SEPTIN7: variants seen among roughly 807,000 people sequenced by gnomAD.
The protein encoded by SEPTIN7 is septin 7, also known as septin-7.
Under a neutral mutation model 63.3 loss-of-function variants are expected in SEPTIN7, and 10 were observed. The observed-to-expected ratio is 0.16, with a 90% confidence interval of 0.10 to 0.27. The LOEUF is 0.27. Among genes scored for constraint, SEPTIN7 ranks in the 10% least tolerant of loss-of-function variants. SEPTIN7 has a pLI of 1.00. For missense variants in SEPTIN7, 310 were observed against 521.0 expected, an observed-to-expected ratio of 0.59 and a Z score of 3.94; for synonymous variants, 131 against 165.3, an observed-to-expected ratio of 0.79 and a Z score of 1.59.
intron 3 of SEPTIN7, chr7:35,847,873 C>T (rs1481964197): frequency 6.6e-6 from 1 of 152,188 alleles, no homozygotes; most frequent in Non-Finnish European, 1.5e-5. Context: ...TATAGGTTAT[C>T]TAATTCAAAG....
At chr7:35,831,546 A>C (rs1466528680) in intron 2 of SEPTIN7, 50 bp downstream of exon 2, 1 of 407,176 alleles carries the variant, frequency 2.5e-6, no homozygotes, top group Non-Finnish European at 4.8e-6. Context: ...CAGTTAACTT[A>C]AATTTAATTT....
At chr7:35,862,837 T>G (rs1159782096) in intron 3 of SEPTIN7, among the ~76,000 whole-genome samples, 3 of 152,174 alleles carry the variant, frequency 2.0e-5, no homozygotes, top group African/African-American at 7.2e-5. Flanking sequence ...CCATTTATAT[T>G]TTCATATACT....
At chr7:35,908,651 G>A (rs1306302151), downstream of SEPTIN7, among the ~76,000 whole-genome samples, 1 of 152,140 alleles carries the variant, frequency 6.6e-6, no homozygotes, top group African/African-American at 2.4e-5. Context: ...GCAGAGGGGG[G>A]GTAGTCAGAC....
At chr7:35,884,490 C>A (rs1329533551) in intron 9 of SEPTIN7, among the ~76,000 whole-genome samples, 1 of 152,148 alleles carries the variant, frequency 6.6e-6, no homozygotes, top group Non-Finnish European at 1.5e-5. Context: ...AAGTCTATTT[C>A]TGTTTTCATA....
intron 3 of SEPTIN7, among the ~76,000 whole-genome samples, chr7:35,850,368 A>G (rs751120366): frequency 2.0e-5 from 3 of 152,222 alleles, no homozygotes; most frequent in South Asian, 2.1e-4. Flanking sequence ...TTCAAAACCC[A>G]GGAGAAAAAT....
intron 3 of SEPTIN7, among the ~76,000 whole-genome samples, chr7:35,856,784 C>T (rs1179562772): frequency 6.6e-6 from 1 of 152,174 alleles, no homozygotes; most frequent in Non-Finnish European, 1.5e-5. Flanking sequence ...CCTTATTTCT[C>T]ATCGAGGTTT....
chr7:35,811,486 A>G (rs1448228342), intron 1 of SEPTIN7, among the ~76,000 whole-genome samples: 1 of 152,220 alleles, frequency 6.6e-6, no homozygotes, highest in Non-Finnish European at 1.5e-5. Context: ...TTAGGGGTGT[A>G]TTAGTGGTCC....
At chr7:35,810,693 C>T (rs1378237998) in intron 1 of SEPTIN7, among the ~76,000 whole-genome samples, 1 of 151,900 alleles carries the variant, frequency 6.6e-6, no homozygotes, top group Non-Finnish European at 1.5e-5. Flanking sequence ...CAGGGTTATG[C>T]TAGTGTTTCT....
At chr7:35,861,757 G>A (rs1383061230) in intron 3 of SEPTIN7, among the ~76,000 whole-genome samples, 1 of 152,056 alleles carries the variant, frequency 6.6e-6, no homozygotes, top group Non-Finnish European at 1.5e-5. Flanking sequence ...CAGTTCTTCT[G>A]GCAGACCAGA....
chr7:35,817,165 C>G (rs1224645314), intron 1 of SEPTIN7, among the ~76,000 whole-genome samples: 1 of 151,986 alleles, frequency 6.6e-6, no homozygotes, highest in African/African-American at 2.4e-5. Context: ...CCTATGTTTT[C>G]TAAGAGTTTT....
intron 3 of SEPTIN7, among the ~76,000 whole-genome samples, chr7:35,840,077 GTTCCT>G (rs1479248424): frequency 6.6e-6 from 1 of 151,866 alleles, no homozygotes; most frequent in Non-Finnish European, 1.5e-5. Flanking sequence ...CTGGCAAATT[GTTCCT>G]TTCTTTTCTT....
chr7:35,898,669 T>C (rs1583650941), intron 12 of SEPTIN7: 1 of 224,486 alleles, frequency 4.5e-6, no homozygotes, highest in East Asian at 8.8e-5. Flanking sequence ...TTGTGAAAAA[T>C]AAAATTACAA....
intron 11 of SEPTIN7, among the ~76,000 whole-genome samples, chr7:35,891,503 C>T (rs945395610): frequency 4.6e-5 from 7 of 152,052 alleles, no homozygotes; most frequent in African/African-American, 1.7e-4. Context: ...AACATAATGT[C>T]AAGTATTTGT....
chr7:35,844,197 A>G lies in SEPTIN7; in HGVS notation c.169+11297A>G, dbSNP rs183366159. Among the ~76,000 whole-genome samples the G allele has an allele frequency of 2.0e-3, 299 of 152,342 alleles. 1 individual carries two copies. The highest frequency in any genetic ancestry group is 3.1e-3 in the Non-Finnish European group (208 of 68,022). On this transcript the variant is annotated intron_variant, in intron 3 of 13. Coordinates refer to ENST00000350320, the MANE Select transcript of SEPTIN7 (RefSeq NM_001788.6). ...AGGAATTTCCAGGGAAATGCACACT[A>G]CTAATTACATTTAGTTGAATAAAGG...
intron 3 of SEPTIN7, among the ~76,000 whole-genome samples, chr7:35,840,633 G>A (rs895092272): frequency 5.3e-5 from 8 of 151,758 alleles, no homozygotes; most frequent in Non-Finnish European, 1.2e-4. Flanking sequence ...TAAGAAAAAA[G>A]GAAATTTTTT....
chr7:35,804,602 A>G (rs1017259467), intron 1 of SEPTIN7, among the ~76,000 whole-genome samples: 26 of 152,200 alleles, frequency 1.7e-4, no homozygotes, highest in Admixed American at 1.4e-3. Context: ...TACTCAATAG[A>G]TACACCAGTC....
chr7:35,914,994 A>G, the SEPTIN7 span, among the ~76,000 whole-genome samples: 1 of 152,076 alleles, frequency 6.6e-6, no homozygotes, highest in African/African-American at 2.4e-5. Context: ...ATGCGTGTGT[A>G]CACATATAAT....
At position 35,906,345 on chromosome 7, in the gene SEPTIN7, T is replaced by C. The variant is rs1478802274; in HGVS notation, c.*2052T>C. 2 of 152,218 alleles carry C rather than the reference T, an allele frequency of 1.3e-5. No individual in the cohort carries two copies. The highest frequency in any genetic ancestry group is 2.1e-4 in the South Asian group (1 of 4,830). 9.4% of individuals were successfully genotyped at this position (152,218 alleles called of 1,614,324 possible). A position where few individuals can be genotyped will look rare whatever the true frequency, so the allele number is the denominator to read the frequency against. On this transcript the variant is annotated 3_prime_UTR_variant, in exon 14 of 14. Transcript: ENST00000350320. Reference sequence around the variant, plus strand: ...GATCTATATAACTTTACTAGGACTTTTGATTGTTGACTCCAGGCTTAGGTA... The same window carrying C: ...GATCTATATAACTTTACTAGGACTTCTGATTGTTGACTCCAGGCTTAGGTA...
chr7:35,873,026 T>C (rs1441332628), intron 5 of SEPTIN7, among the ~76,000 whole-genome samples: 1 of 152,118 alleles, frequency 6.6e-6, no homozygotes, highest in African/African-American at 2.4e-5. Context: ...ATAACATAGG[T>C]AAATAGAAGA....
Sources: gnomAD v4.1 joint callset for allele counts (sites outside exome capture counted in the v4.1 genomes callset) on GRCh38, gnomAD v4.1.1 for gene constraint, MANE v1.5 for transcripts, NCBI Gene and HGNC (gene_info 2026-07-23, HGNC 2026-07-21) for gene names.